The following ARSB variants were observed in gnomAD, a reference collection of about 807,000 sequenced individuals.
ARSB encodes the protein arylsulfatase B, also known as N-acetylgalactosamine-4-sulfatase.
Under a neutral mutation model 50.9 loss-of-function variants are expected in ARSB, and 41 were observed. The ratio of observed to expected loss-of-function variants is 0.81; its 90% confidence interval spans 0.63 to 1.04. ARSB has a LOEUF of 1.04. Among genes scored for constraint, ARSB ranks in the 50% least tolerant of loss-of-function variants. ARSB has a pLI of 0.00. For missense variants in ARSB, 672 were observed against 693.3 expected (o/e 0.97, Z 0.35); for synonymous variants, 269 against 284.8 (o/e 0.94, Z 0.56).
chr5:78,935,374 A>G (rs1272539120), intron 4 of ARSB, among the ~76,000 whole-genome samples: 2 of 152,214 alleles, frequency 1.3e-5, no homozygotes, highest in African/African-American at 4.8e-5. Context: ...AAGAAGGAGG[A>G]TTCTTGACAT....
chr5:78,823,423 C>A (rs1744313396), intron 6 of ARSB, among the ~76,000 whole-genome samples: 2 of 152,204 alleles, frequency 1.3e-5, no homozygotes, highest in Non-Finnish European at 2.9e-5. Flanking sequence ...AGTTTCTCTA[C>A]TAAAACTCTT....
At chr5:78,943,923 T>C (rs933013373) in intron 4 of ARSB, among the ~76,000 whole-genome samples, 2 of 152,210 alleles carry the variant, frequency 1.3e-5, no homozygotes, top group South Asian at 2.1e-4. Flanking sequence ...ACCAATCAGA[T>C]GTAGATTTGG....
chr5:78,916,524 C>T (rs1297050866), intron 4 of ARSB, among the ~76,000 whole-genome samples: 1 of 152,186 alleles, frequency 6.6e-6, no homozygotes, highest in Non-Finnish European at 1.5e-5. Flanking sequence ...CCCTCTGTTT[C>T]CTTCCCATCC....
intron 5 of ARSB, among the ~76,000 whole-genome samples, chr5:78,875,674 A>AT (rs60556040): frequency 0.052 from 7,757 of 149,324 alleles, 647 homozygotes; most frequent in African/African-American, 0.18. Flanking sequence ...TATTATTATT[A>AT]TTTTTTTTTT....
chr5:78,902,142 G>A (rs1284138414), intron 4 of ARSB, among the ~76,000 whole-genome samples: 1 of 152,192 alleles, frequency 6.6e-6, no homozygotes, highest in African/African-American at 2.4e-5. Flanking sequence ...TATGATAAGA[G>A]GGCAAGAGCA....
chr5:78,962,678 C>A (rs1401743062), intron 3 of ARSB, among the ~76,000 whole-genome samples: 2 of 152,120 alleles, frequency 1.3e-5, no homozygotes. Flanking sequence ...AGGCACCCAC[C>A]ACTGCACCCG....
At chr5:78,792,112 C>T (rs1315687986) in intron 6 of ARSB, among the ~76,000 whole-genome samples, 1 of 152,068 alleles carries the variant, frequency 6.6e-6, no homozygotes, top group Non-Finnish European at 1.5e-5. Context: ...GGCATGGTGG[C>T]TCACGCCTGT....
At chr5:78,803,908 A>G (rs770847246) in intron 6 of ARSB, among the ~76,000 whole-genome samples, 18 of 152,352 alleles carry the variant, frequency 1.2e-4, no homozygotes, top group Non-Finnish European at 1.9e-4. Flanking sequence ...CTCCAGTGCT[A>G]TTCCCTGCAG....
intron 4 of ARSB, among the ~76,000 whole-genome samples, chr5:78,925,131 T>C (rs1017576253): frequency 1.3e-5 from 2 of 152,206 alleles, no homozygotes; most frequent in African/African-American, 4.8e-5. Context: ...CTTCCTCATT[T>C]ACAGTTCTCA....
intron 4 of ARSB, among the ~76,000 whole-genome samples, chr5:78,952,686 T>C (rs527749143): frequency 6.6e-6 from 1 of 152,294 alleles, no homozygotes; most frequent in African/African-American, 2.4e-5. Flanking sequence ...CTTAGAGATA[T>C]TTAATACAGT....
chr5:78,797,444 A>T (rs1459778370), intron 6 of ARSB, among the ~76,000 whole-genome samples: 1 of 152,150 alleles, frequency 6.6e-6, no homozygotes, highest in Non-Finnish European at 1.5e-5. Context: ...GCCCAGGTGA[A>T]CCTGCACAGT....
At position 78,873,241 on chromosome 5, in the gene ARSB, G is replaced by T. The variant is rs190152267; in HGVS notation, c.1142+12343C>A. 2.5e-3 allele frequency among the ~76,000 whole-genome samples: 380 copies of T among 151,990 alleles called. 1 individual carries two copies. Among genetic ancestry groups the T allele is most frequent in the African/African-American group, 8.9e-3 (368 of 41,500 alleles). The stretch of plus-strand genomic sequence containing the variant: ...AGACATCACACTTTTTAAAGGAAGG[G>T]AACTGGGAAAAAAAGGACAAAATCT... On this transcript the variant is annotated intron_variant, in intron 5 of 7. Coordinates refer to ENST00000264914, the MANE Select transcript of ARSB (RefSeq NM_000046.5).
At chr5:78,892,753 T>G (rs1748372693) in intron 4 of ARSB, among the ~76,000 whole-genome samples, 1 of 152,140 alleles carries the variant, frequency 6.6e-6, no homozygotes, top group African/African-American at 2.4e-5. Flanking sequence ...AACTGAAGAT[T>G]TGTTCAAATA....
chr5:78,788,494 G>A (rs1197540878), intron 6 of ARSB, among the ~76,000 whole-genome samples: 19 of 152,146 alleles, frequency 1.2e-4, no homozygotes, highest in Non-Finnish European at 7.3e-5. Context: ...TAGTGGGTCG[G>A]GGTCCAGGTT....
intron 6 of ARSB, among the ~76,000 whole-genome samples, chr5:78,794,816 C>T (rs1743122031): frequency 6.6e-6 from 1 of 152,216 alleles, no homozygotes; most frequent in South Asian, 2.1e-4. Context: ...CTGTCATAGG[C>T]ACTTACTAAA....
At chr5:78,780,802 A>G in intron 7 of ARSB, 140 bp from the exon 8 acceptor site, 1 of 1,023,418 alleles carries the variant, frequency 9.8e-7, no homozygotes, top group Non-Finnish European at 1.5e-6. Flanking sequence ...TGCTGTCTCT[A>G]GATGCTTCTC....
intron 1 of ARSB, among the ~76,000 whole-genome samples, chr5:78,982,736 T>A (rs1369021359): frequency 1.3e-5 from 2 of 152,204 alleles, no homozygotes; most frequent in African/African-American, 4.8e-5. Flanking sequence ...TCCTGAGCCT[T>A]CCCTGAAATT....
chr5:78,811,188 T>C (rs1743793665), intron 6 of ARSB, among the ~76,000 whole-genome samples: 1 of 152,232 alleles, frequency 6.6e-6, no homozygotes, highest in Non-Finnish European at 1.5e-5. Flanking sequence ...AGCCTCCGTA[T>C]ACTATCCTGG....
intron 5 of ARSB, among the ~76,000 whole-genome samples, chr5:78,853,004 T>C (rs536150679): frequency 6.6e-6 from 1 of 152,230 alleles, no homozygotes; most frequent in Admixed American, 6.5e-5. Flanking sequence ...TGGTTTGAAT[T>C]TCCTCCTGTA....
Sources: gnomAD v4.1 joint callset for allele counts (sites outside exome capture counted in the v4.1 genomes callset) on GRCh38, gnomAD v4.1.1 for gene constraint, MANE v1.5 for transcripts, NCBI Gene and HGNC (gene_info 2026-07-23, HGNC 2026-07-21) for gene names.